The following GNA12 variants were observed in gnomAD, a reference collection of about 807,000 sequenced individuals.
GNA12 encodes G protein subunit alpha 12.
A neutral mutation model predicts 26.0 loss-of-function variants in GNA12; 9 were observed. The observed-to-expected ratio is 0.35, with a 90% CI of 0.21 to 0.60. The LOEUF is 0.60. GNA12 is among the 20% of genes least tolerant of loss of function. GNA12 has a pLI of 0.78. For missense variants in GNA12, 405 were observed against 525.8 expected (o/e 0.77, Z 2.25); for synonymous variants, 264 against 219.6 (o/e 1.20, Z -1.79).
chr7:2,770,026 A>AATAGATC (rs1259430754), intron 2 of GNA12, among the ~76,000 whole-genome samples: 1 of 152,210 alleles, frequency 6.6e-6, no homozygotes, highest in Non-Finnish European at 1.5e-5. Flanking sequence ...GTTACAATAA[A>AATAGATC]ATAGATCATA....
intron 1 of GNA12, among the ~76,000 whole-genome samples, chr7:2,812,416 G>A (rs1793102446): frequency 6.6e-6 from 1 of 152,152 alleles, no homozygotes. Context: ...GACCACTTGA[G>A]GTCAGGAGTT....
intron 1 of GNA12, among the ~76,000 whole-genome samples, chr7:2,799,903 G>C (rs1792768060): frequency 6.6e-6 from 1 of 152,202 alleles, no homozygotes; most frequent in Admixed American, 6.5e-5. Flanking sequence ...AGGAGGCGGA[G>C]ACCCCGGACC....
At chr7:2,768,572 A>C (rs1257569969) in intron 2 of GNA12, among the ~76,000 whole-genome samples, 1 of 152,128 alleles carries the variant, frequency 6.6e-6, no homozygotes, top group African/African-American at 2.4e-5. Context: ...TAATGCTAAT[A>C]AGTTTTCTTT....
chr7:2,792,536 T>C (rs1459928845), intron 2 of GNA12, among the ~76,000 whole-genome samples: 2 of 152,198 alleles, frequency 1.3e-5, no homozygotes, highest in Non-Finnish European at 1.5e-5. Context: ...GCTTCCTTCT[T>C]TGGAAAATCC....
intron 1 of GNA12, among the ~76,000 whole-genome samples, chr7:2,797,527 A>AC (rs1332206614): frequency 6.6e-6 from 1 of 152,082 alleles, no homozygotes; most frequent in East Asian, 1.9e-4. Flanking sequence ...GAAGTGTACA[A>AC]CTTAATGATT....
intron 1 of GNA12, among the ~76,000 whole-genome samples, chr7:2,816,319 C>T (rs1244277389): frequency 6.6e-6 from 1 of 152,022 alleles, no homozygotes; most frequent in African/African-American, 2.4e-5. Flanking sequence ...CGACCACCAC[C>T]TCCCTAGTTC....
At chr7:2,783,541 A>T (rs1459407724) in intron 2 of GNA12, among the ~76,000 whole-genome samples, 1 of 152,076 alleles carries the variant, frequency 6.6e-6, no homozygotes, top group Non-Finnish European at 1.5e-5. Flanking sequence ...GGGACCCCCA[A>T]AAGATCTGTC....
intron 1 of GNA12, among the ~76,000 whole-genome samples, chr7:2,806,855 A>G (rs1792963126): frequency 6.6e-6 from 1 of 152,170 alleles, no homozygotes; most frequent in African/African-American, 2.4e-5. Context: ...GAACTCCTTG[A>G]TACATCCCTA....
intron 2 of GNA12, among the ~76,000 whole-genome samples, chr7:2,793,083 TC>T (rs1408595066): frequency 1.3e-5 from 2 of 152,022 alleles, no homozygotes; most frequent in Non-Finnish European, 2.9e-5. Context: ...AAAAAATGCA[TC>T]CCCTCATCCT....
intron 2 of GNA12, among the ~76,000 whole-genome samples, chr7:2,775,134 A>G (rs1388373912): frequency 2.6e-5 from 4 of 152,242 alleles, no homozygotes; most frequent in Non-Finnish European, 5.9e-5. Flanking sequence ...AATTCGTAAC[A>G]GGGGAGGAGG....
intron 1 of GNA12, among the ~76,000 whole-genome samples, chr7:2,809,942 T>C (rs2115479811): frequency 6.6e-6 from 1 of 152,364 alleles, no homozygotes; most frequent in South Asian, 2.1e-4. Flanking sequence ...CTATGATTAA[T>C]ACAATACAGA....
intron 2 of GNA12, among the ~76,000 whole-genome samples, chr7:2,741,580 G>C (rs1191797849): frequency 6.6e-6 from 1 of 152,168 alleles, no homozygotes; most frequent in African/African-American, 2.4e-5. Context: ...GGCTAGGACA[G>C]AGGTATGTGT....
intron 1 of GNA12, among the ~76,000 whole-genome samples, chr7:2,799,053 A>G (rs1482600211): frequency 1.3e-5 from 2 of 152,254 alleles, no homozygotes; most frequent in African/African-American, 2.4e-5. Flanking sequence ...ACATAGGAGA[A>G]TATCTTCAGG....
chr7:2,822,209 G>A (rs990284398), intron 1 of GNA12, among the ~76,000 whole-genome samples: 1 of 152,202 alleles, frequency 6.6e-6, no homozygotes, highest in Admixed American at 6.5e-5. Flanking sequence ...CCTCCTCCGA[G>A]ATGTTGTTCT....
At chr7:2,768,810 G>A (rs1447876319) in intron 2 of GNA12, among the ~76,000 whole-genome samples, 1 of 150,474 alleles carries the variant, frequency 6.6e-6, no homozygotes, top group Admixed American at 6.6e-5. Flanking sequence ...TTTAATATGT[G>A]TATATTGTAT....
intron 2 of GNA12, among the ~76,000 whole-genome samples, chr7:2,789,453 A>G (rs1792462486): frequency 2.6e-5 from 4 of 152,124 alleles, no homozygotes; most frequent in Admixed American, 6.5e-5. Context: ...CATCTTTTAC[A>G]TGAGTCACAG....
intron 1 of GNA12, chr7:2,814,858 C>G (rs778286377): frequency 3.1e-6 from 5 of 1,599,414 alleles, no homozygotes; most frequent in Non-Finnish European, 4.3e-6. Flanking sequence ...CACTGCTCCC[C>G]TCCACAGCAC....
chr7:2,731,923 A>T lies in GNA12; in HGVS notation c.577-173T>A, dbSNP rs1789918485. 6.6e-6 allele frequency among the ~76,000 whole-genome samples: 1 copy of T among 152,228 alleles called. No individual in the cohort carries two copies. Among genetic ancestry groups the T allele is most frequent in the Non-Finnish European group, 1.5e-5 (1 of 68,032 alleles). On this transcript the variant is annotated intron_variant, in intron 3 of 3. Transcript: ENST00000275364. The surrounding 1 kb of genome is among the most constrained non-coding windows in gnomAD (Gnocchi z 6.0). ...ACATTATCAACTGGCCGTGAAACAG[A>T]AAGAATCAAATACTTCATTTCAAAA...
chr7:2,829,807 C>T (rs906525813), intron 1 of GNA12, among the ~76,000 whole-genome samples: 5 of 152,202 alleles, frequency 3.3e-5, no homozygotes, highest in South Asian at 2.1e-4. Flanking sequence ...TGTTCTCAGA[C>T]GTGCTCGAGG....
Sources: gnomAD v4.1 joint callset for allele counts (sites outside exome capture counted in the v4.1 genomes callset) on GRCh38, gnomAD v4.1.1 for gene constraint, Gnocchi (gnomAD v3.1) non-coding constraint, MANE v1.5 for transcripts, NCBI Gene and HGNC (gene_info 2026-07-23, HGNC 2026-07-21) for gene names.